The following ABCG2 variants were observed in gnomAD, a reference collection of about 807,000 sequenced individuals.
The protein encoded by ABCG2 is broad substrate specificity ATP-binding cassette transporter ABCG2.
In ABCG2, 80 loss-of-function variants were observed where a neutral mutation model predicts 73.5. The ratio of observed to expected loss-of-function variants is 1.09; its 90% CI spans 0.91 to 1.31. The LOEUF (loss-of-function observed/expected upper bound fraction) is 1.31. ABCG2 is among the 50% of genes most tolerant of loss of function. The pLI is 0.00. For missense variants in ABCG2, 796 were observed against 786.2 expected (o/e 1.01, Z -0.15); for synonymous variants, 269 against 282.4 (o/e 0.95, Z 0.48).
chr4:88,199,801 T>C (rs1729082048), intron 1 of ABCG2, among the ~76,000 whole-genome samples: 2 of 151,648 alleles, frequency 1.3e-5, no homozygotes, highest in Admixed American at 6.6e-5. Flanking sequence ...AAATCGAGAC[T>C]ATCCTGGCGA....
intron 11 of ABCG2, 114 bp downstream of exon 11, chr4:88,101,116 A>G (rs1722376053): frequency 4.0e-6 from 3 of 742,796 alleles, no homozygotes; most frequent in Non-Finnish European, 6.7e-6. Context: ...TAAATTTTAA[A>G]AAGTACTGGT....
rs187390790 is a variant in ABCG2, at chr4:88,118,868, G to A, written c.690-608C>T. Among the ~76,000 whole-genome samples the A allele has an allele frequency of 8.1e-4, 124 of 152,200 alleles. 1 individual carries two copies. The South Asian group carries it at 0.014, about 17-fold the overall frequency. On this transcript the variant is annotated intron_variant, in intron 6 of 15. Transcript: ENST00000237612. ...CCTCATTTTATAAATATGTCTTAAA[G>A]GATCAAGCAACTGGCCAAGGGATCA...
rs1728973474 is a variant in ABCG2, at chr4:88,197,210, AC to A, written c.-20+33783del. On this transcript the variant is annotated intron_variant, in intron 1 of 15. Coordinates refer to the ABCG2 transcript ENST00000515655. ...GGCTTTCAACAACAAAAAAAAAAAA[AC>A]AAGGCATACTAAAAGGCAAAAAATA... Among the ~76,000 whole-genome samples the A allele has an allele frequency of 7.6e-4, 115 of 151,828 alleles. 6 individuals are homozygous for A. The South Asian group carries it at 0.021, about 28-fold the overall frequency.
intron 15 of ABCG2, among the ~76,000 whole-genome samples, chr4:88,092,761 C>T (rs1030728085): frequency 7.9e-5 from 12 of 152,174 alleles, no homozygotes; most frequent in Non-Finnish European, 1.2e-4. Flanking sequence ...AAATATTTAT[C>T]AAGTAATAGT....
At chr4:88,159,023 CA>C (rs1429573028), upstream of ABCG2, 1 of 392,630 alleles carries the variant, frequency 2.5e-6, no homozygotes, top group East Asian at 7.9e-5. Flanking sequence ...GCTGAAAGCG[CA>C]CACGTGTCCT....
chr4:88,198,697 T>C (rs938839567), intron 1 of ABCG2, among the ~76,000 whole-genome samples: 3 of 152,118 alleles, frequency 2.0e-5, no homozygotes, highest in Middle Eastern at 3.4e-3. Context: ...ATAAGACAGA[T>C]GGAAATTCTG....
intron 1 of ABCG2, among the ~76,000 whole-genome samples, chr4:88,212,792 C>T (rs917640127): frequency 2.0e-5 from 3 of 152,186 alleles, no homozygotes; most frequent in Non-Finnish European, 4.4e-5. Context: ...GGCAAAACCA[C>T]AAACCCTACT....
At chr4:88,212,599 G>A (rs534088128) in intron 1 of ABCG2, among the ~76,000 whole-genome samples, 3 of 152,052 alleles carry the variant, frequency 2.0e-5, no homozygotes, top group South Asian at 2.1e-4. Context: ...ACCCAACTCC[G>A]GCAAACCTTT....
intron 9 of ABCG2, among the ~76,000 whole-genome samples, chr4:88,112,517 T>C (rs138405271): frequency 6.6e-6 from 1 of 152,310 alleles, no homozygotes; most frequent in East Asian, 1.9e-4. Context: ...ATGCTATCTA[T>C]TTAATTTCTT....
At chr4:88,104,269 T>C (rs938798156) in intron 10 of ABCG2, among the ~76,000 whole-genome samples, 9 of 152,176 alleles carry the variant, frequency 5.9e-5, no homozygotes, top group African/African-American at 2.2e-4. Context: ...TGCTTTCCTC[T>C]CTCAGAGAAT....
chr4:88,098,323 G>C (rs1297891390), intron 12 of ABCG2, among the ~76,000 whole-genome samples: 3 of 151,918 alleles, frequency 2.0e-5, no homozygotes, highest in African/African-American at 7.3e-5. Context: ...AGATATTTCC[G>C]GGGGTTTTGT....
At chr4:88,174,426 T>G (rs2110095269) in intron 1 of ABCG2, among the ~76,000 whole-genome samples, 1 of 152,306 alleles carries the variant, frequency 6.6e-6, no homozygotes, top group South Asian at 2.1e-4. Context: ...CAGTGTTTGG[T>G]TTTCTGTTCC....
chr4:88,205,869 G>A (rs1473515849), intron 1 of ABCG2, among the ~76,000 whole-genome samples: 3 of 152,116 alleles, frequency 2.0e-5, no homozygotes, highest in African/African-American at 7.2e-5. Flanking sequence ...TTTTAGTAGA[G>A]ATGGGGTTTC....
At chr4:88,218,384 C>G (rs561933477) in intron 1 of ABCG2, among the ~76,000 whole-genome samples, 4 of 152,320 alleles carry the variant, frequency 2.6e-5, no homozygotes, top group African/African-American at 7.2e-5. Context: ...TGTTCTATCC[C>G]TAGTGACTAA....
At chr4:88,217,698 ACATGGTGGCT>A (rs1560463938) in intron 1 of ABCG2, among the ~76,000 whole-genome samples, 1 of 151,962 alleles carries the variant, frequency 6.6e-6, no homozygotes, top group Non-Finnish European at 1.5e-5. Flanking sequence ...ATGGGACTAA[ACATGGTGGCT>A]CATGCCTGTA....
chr4:88,228,993 G>T (rs1190000600), intron 1 of ABCG2, among the ~76,000 whole-genome samples: 1 of 152,208 alleles, frequency 6.6e-6, no homozygotes, highest in East Asian at 1.9e-4. Context: ...CCAATCAGCA[G>T]GACATGGGCA....
At chr4:88,211,832 A>G (rs1235876599) in intron 1 of ABCG2, among the ~76,000 whole-genome samples, 1 of 152,238 alleles carries the variant, frequency 6.6e-6, no homozygotes, top group Non-Finnish European at 1.5e-5. Flanking sequence ...TAAGCAATAA[A>G]TAGAACTAGA....
intron 1 of ABCG2, among the ~76,000 whole-genome samples, chr4:88,230,373 G>A (rs1020179851): frequency 1.4e-5 from 2 of 138,618 alleles, no homozygotes; most frequent in Non-Finnish European, 3.1e-5. Flanking sequence ...TCGCACTGTC[G>A]CCGCACCCGG....
intron 1 of ABCG2, among the ~76,000 whole-genome samples, chr4:88,202,354 T>TATATATATATATA (rs1553945717): frequency 0.023 from 1,435 of 62,002 alleles, 416 homozygotes; most frequent in South Asian, 0.034. Context: ...CTACAATTAT[T>TATATATATATATA]TATATATATA....
Sources: gnomAD v4.1 joint callset for allele counts (sites outside exome capture counted in the v4.1 genomes callset) on GRCh38, gnomAD v4.1.1 for gene constraint, MANE v1.5 for transcripts, NCBI Gene and HGNC (gene_info 2026-07-23, HGNC 2026-07-21) for gene names.